The following RNGTT variants were observed in gnomAD, a reference collection of about 807,000 sequenced individuals.
RNGTT encodes the protein RNA guanylyltransferase and 5'-phosphatase, also known as mRNA-capping enzyme.
In RNGTT, 33 loss-of-function variants were observed where a neutral mutation model predicts 79.3. The observed-to-expected ratio is 0.42, with a 90% CI of 0.32 to 0.56. The LOEUF is 0.56. Ranked by LOEUF, RNGTT falls within the 20% of genes least tolerant of loss-of-function variation. RNGTT has a pLI of 0.17. For missense variants in RNGTT, 497 were observed against 739.1 expected (o/e 0.67, Z 3.80); for synonymous variants, 222 against 235.9 (o/e 0.94, Z 0.54).
rs554055773 is a variant in RNGTT at position 88,763,039 on chromosome 6, C to T, written c.1439+6735G>A. On this transcript the variant is annotated intron_variant, in intron 13 of 15. Coordinates refer to ENST00000369485, the MANE Select transcript of RNGTT (RefSeq NM_003800.5). ...CCCCAGGCTCAGGTGTTCCTCCCAC[C>T]TTAGCCTCCAAGTAGCTGGGACTAC... Among the ~76,000 whole-genome samples the T allele has an allele frequency of 2.4e-4, 37 of 151,440 alleles. 1 individual carries two copies. The highest frequency in any genetic ancestry group is 9.0e-4 in the African/African-American group (37 of 41,092).
chr6:88,937,624 C>G (rs1020470773), intron 2 of RNGTT, among the ~76,000 whole-genome samples: 2 of 151,264 alleles, frequency 1.3e-5, no homozygotes, highest in Non-Finnish European at 2.9e-5. Flanking sequence ...TTTCTAGTTC[C>G]TTGTGGTGCA....
At chr6:88,760,880 T>C (rs1455454738) in intron 13 of RNGTT, among the ~76,000 whole-genome samples, 3 of 151,870 alleles carry the variant, frequency 2.0e-5, no homozygotes, top group African/African-American at 7.3e-5. Context: ...ACGATTTTTT[T>C]TTTTTTTTCC....
At chr6:88,724,016 C>T (rs1297006659) in intron 13 of RNGTT, among the ~76,000 whole-genome samples, 9 of 151,998 alleles carry the variant, frequency 5.9e-5, no homozygotes, top group Non-Finnish European at 5.9e-5. Context: ...TGAGCCACCG[C>T]GCTCAGCCGT....
Position 88,795,679 on chromosome 6 carries a change from T to C in RNGTT, c.1338+5885A>G, listed in dbSNP as rs555138357. 1.1e-4 allele frequency among the ~76,000 whole-genome samples: 17 copies of C among 149,964 alleles called. No homozygotes were observed. The East Asian group carries it at 2.9e-3, about 26-fold the overall frequency. ...GCACATGAATCCCAGAACTTAAAAG[T>C]ATAATTTTTTAAAAACCACCACCAA... On this transcript the variant is annotated intron_variant, in intron 12 of 15. Transcript: ENST00000369485.
At chr6:88,677,285 G>GA (rs35139705) in intron 14 of RNGTT, among the ~76,000 whole-genome samples, 17,768 of 108,988 alleles carry the variant, frequency 0.16, 1,388 homozygotes, top group Middle Eastern at 0.25. Context: ...TGGAGACCAG[G>GA]AAAAAAAAAA....
chr6:88,899,931 C>T (rs1263952659), intron 6 of RNGTT, among the ~76,000 whole-genome samples: 2 of 152,102 alleles, frequency 1.3e-5, no homozygotes, highest in Non-Finnish European at 2.9e-5. Flanking sequence ...GGAATAAGAG[C>T]AGAGCAAAAA....
chr6:88,818,366 C>T (rs1009412441), intron 11 of RNGTT, among the ~76,000 whole-genome samples: 1 of 151,714 alleles, frequency 6.6e-6, no homozygotes, highest in Admixed American at 6.6e-5. Context: ...GTGGATCACC[C>T]GAGGTCAGGA....
chr6:88,771,331 A>ATG (rs1562244211), intron 12 of RNGTT, among the ~76,000 whole-genome samples: 1 of 126,636 alleles, frequency 7.9e-6, no homozygotes, highest in East Asian at 2.3e-4. Context: ...ATATATATAT[A>ATG]TATATATATA....
chr6:88,865,271 C>A (rs1303888531), intron 8 of RNGTT, among the ~76,000 whole-genome samples: 4 of 151,986 alleles, frequency 2.6e-5, no homozygotes, highest in Non-Finnish European at 5.9e-5. Flanking sequence ...ACTACGACTA[C>A]CACTACTACC....
At chr6:88,820,896 G>A (rs761547392) in intron 11 of RNGTT, among the ~76,000 whole-genome samples, 3 of 152,068 alleles carry the variant, frequency 2.0e-5, no homozygotes, top group Admixed American at 6.6e-5. Flanking sequence ...TTGATCTACA[G>A]ATTCAACACA....
At chr6:88,893,972 T>A (rs1783140626) in intron 6 of RNGTT, among the ~76,000 whole-genome samples, 1 of 152,176 alleles carries the variant, frequency 6.6e-6, no homozygotes, top group African/African-American at 2.4e-5. Context: ...TTTTTTTATT[T>A]ATTTCTAGAT....
chr6:88,638,319 A>T (rs1773177450), intron 14 of RNGTT, among the ~76,000 whole-genome samples: 1 of 152,170 alleles, frequency 6.6e-6, no homozygotes, highest in Non-Finnish European at 1.5e-5. Context: ...TGATTGTCAT[A>T]TGTATGTGGA....
chr6:88,886,360 C>T (rs1487689410), intron 8 of RNGTT, among the ~76,000 whole-genome samples: 1 of 152,082 alleles, frequency 6.6e-6, no homozygotes, highest in Non-Finnish European at 1.5e-5. Context: ...TAATGAAACA[C>T]GTGATCCTGG....
chr6:88,629,788 C>T (rs1772778965), intron 14 of RNGTT, among the ~76,000 whole-genome samples: 1 of 152,116 alleles, frequency 6.6e-6, no homozygotes, highest in South Asian at 2.1e-4. Context: ...AGGTAGGTAG[C>T]TTTTCATCTT....
intron 2 of RNGTT, among the ~76,000 whole-genome samples, chr6:88,930,183 TACATATATACATAA>T (rs908540736): frequency 2.0e-5 from 3 of 148,308 alleles, no homozygotes; most frequent in South Asian, 2.1e-4. Flanking sequence ...TATATGTATA[TACATATATACATAA>T]ACATATATAC....
chr6:88,736,963 A>G (rs1014994077), intron 13 of RNGTT, among the ~76,000 whole-genome samples: 4 of 152,186 alleles, frequency 2.6e-5, no homozygotes, highest in African/African-American at 9.6e-5. Flanking sequence ...TCAACAAGCT[A>G]GGTTATTGCT....
chr6:88,721,131 C>G (rs1270578006), intron 13 of RNGTT, among the ~76,000 whole-genome samples: 1 of 151,900 alleles, frequency 6.6e-6, no homozygotes, highest in East Asian at 1.9e-4. Context: ...AGAAAGGTAC[C>G]TAATTTTTAT....
intron 13 of RNGTT, among the ~76,000 whole-genome samples, chr6:88,725,393 G>A (rs9362547): frequency 0.12 from 17,957 of 151,468 alleles, 1,182 homozygotes; most frequent in Middle Eastern, 0.22. Flanking sequence ...GGTTGGGACT[G>A]AGGAAAAAGC....
At chr6:88,613,284 G>A (rs924765767) in intron 15 of RNGTT, among the ~76,000 whole-genome samples, 4 of 152,276 alleles carry the variant, frequency 2.6e-5, no homozygotes, top group African/African-American at 4.8e-5. Flanking sequence ...TCTACTCTAC[G>A]AAACATAAAA....
Sources: allele counts gnomAD v4.1 joint callset (sites outside exome capture counted in the v4.1 genomes callset), GRCh38; gene constraint gnomAD v4.1.1; transcripts MANE v1.5; gene names NCBI Gene and HGNC (gene_info 2026-07-23, HGNC 2026-07-21).